Variants in GAN observed in about 807,000 individuals in gnomAD.
GAN encodes gigaxonin.
A neutral mutation model predicts 71.3 loss-of-function variants in GAN; 48 were observed. That is an observed-to-expected ratio of 0.67 (90% confidence interval 0.53 to 0.86). The LOEUF is 0.86. Among genes scored for constraint, GAN ranks in the 40% least tolerant of loss-of-function variants. The probability of loss-of-function intolerance (pLI) is 0.00; values close to 1 mark genes in which losing one functional copy is unlikely to be tolerated. For missense variants in GAN, 928 were observed against 770.1 expected (o/e 1.21, Z -2.43); for synonymous variants, 386 against 276.8 (o/e 1.39, Z -3.92).
At chr16:81,349,900 T>G (rs1475442116) in intron 1 of GAN, among the ~76,000 whole-genome samples, 2 of 152,146 alleles carry the variant, frequency 1.3e-5, no homozygotes, top group African/African-American at 4.8e-5. Context: ...TTTAACAGAG[T>G]TATAATTCAT....
chr16:81,365,187 T>G, intron 8 of GAN, 77 bp downstream of exon 8: 1 of 1,580,356 alleles, frequency 6.3e-7, no homozygotes, highest in Non-Finnish European at 8.7e-7. Flanking sequence ...TGCCTGGCTT[T>G]TGTTCTTTTC....
Position 81,315,143 on chromosome 16 carries a change from T to G in GAN, c.30T>G (p.Pro10=), listed in dbSNP as rs760079445. The G allele has an allele frequency of 6.5e-7, 1 of 1,537,022 alleles. No homozygotes were observed. ...CTGAGGGCAGTGCCGTGTCTGACCC[T>G]CAGCACGCCGCGCGTCTGCTGCGAG... is the stretch of plus-strand genomic sequence containing the variant. MAEGSAVSD[P]QHAARLLRAL... is the part of the protein sequence containing the mutation. Residue 10 remains proline, a synonymous_variant, in exon 1 of 11, where the codon CCT becomes CCG. Transcript: ENST00000648994.
At chr16:81,331,975 C>T (rs1419465422) in intron 1 of GAN, among the ~76,000 whole-genome samples, 1 of 151,770 alleles carries the variant, frequency 6.6e-6, no homozygotes, top group Admixed American at 6.6e-5. Context: ...CCAGCCTGAC[C>T]AATATGGAGA....
At chr16:81,360,008 A>G (rs1207250181) in intron 5 of GAN, among the ~76,000 whole-genome samples, 3 of 146,898 alleles carry the variant, frequency 2.0e-5, no homozygotes, top group Non-Finnish European at 4.5e-5. Context: ...TCTTTTTTTG[A>G]TATATGTTGG....
chr16:81,361,089 G>A (rs1421219118), intron 5 of GAN, among the ~76,000 whole-genome samples: 2 of 152,194 alleles, frequency 1.3e-5, no homozygotes, highest in African/African-American at 2.4e-5. Flanking sequence ...TGGGTATGTG[G>A]TGGCATGTGC....
chr16:81,315,313 G>T, intron 1 of GAN, 33 bp downstream of exon 1: 1 of 1,434,054 alleles, frequency 7.0e-7, no homozygotes, highest in South Asian at 1.4e-5. Context: ...CGGGCGCGGC[G>T]GTGCTGCCCG....
chr16:81,339,073 C>T (rs1284726618), intron 1 of GAN, among the ~76,000 whole-genome samples: 5 of 152,136 alleles, frequency 3.3e-5, no homozygotes, highest in African/African-American at 1.2e-4. Context: ...ACAAAATATT[C>T]ATCTGGGATT....
chr16:81,377,174 C>A, intron 9 of GAN, 45 bp from the exon 10 acceptor site: 2 of 1,122,092 alleles, frequency 1.8e-6, no homozygotes, highest in South Asian at 2.5e-5. Flanking sequence ...ATGTTGTTGT[C>A]ATCCTTTTGA....
chr16:81,339,682 T>C (rs1321802865), intron 1 of GAN, among the ~76,000 whole-genome samples: 1 of 152,156 alleles, frequency 6.6e-6, no homozygotes, highest in African/African-American at 2.4e-5. Flanking sequence ...ATAACAGGAA[T>C]CTATTTTTAC....
intron 1 of GAN, among the ~76,000 whole-genome samples, chr16:81,342,088 C>G (rs1909962461): frequency 6.6e-6 from 1 of 152,158 alleles, no homozygotes; most frequent in Non-Finnish European, 1.5e-5. Context: ...GCTAACTATC[C>G]TAAATACATA....
chr16:81,370,197 A>T (rs1334217682), intron 9 of GAN, among the ~76,000 whole-genome samples: 4 of 152,182 alleles, frequency 2.6e-5, no homozygotes, highest in Non-Finnish European at 5.9e-5. Flanking sequence ...AATCATCATG[A>T]TGTTCCACAA....
chr16:81,343,794 A>G (rs1380260258), intron 1 of GAN, among the ~76,000 whole-genome samples: 1 of 152,236 alleles, frequency 6.6e-6, no homozygotes, highest in African/African-American at 2.4e-5. Context: ...AAAGCAATAA[A>G]GCGTATTGAA....
At chr16:81,353,585 T>G (rs925251514) in intron 2 of GAN, among the ~76,000 whole-genome samples, 3 of 152,198 alleles carry the variant, frequency 2.0e-5, no homozygotes, top group Non-Finnish European at 4.4e-5. Flanking sequence ...GTAAAAATGT[T>G]TCTTGCTATA....
At position 81,390,526 on chromosome 16, in the gene GAN, T is replaced by C. The variant is rs1396837717; in HGVS notation, c.*12930T>C. On this transcript the variant is annotated 3_prime_UTR_variant, in exon 11 of 11. Transcript: ENST00000648994. ...TCCCTTCTCACGAACCCAGGACCTG[T>C]GCTTGGGGAACATTTTGCCATCATG... 6.6e-6 allele frequency: 1 copy of C among 152,232 alleles called. No individual in the cohort carries two copies. The highest frequency in any genetic ancestry group is 6.5e-5 in the Admixed American group (1 of 15,284). 9.4% of individuals were successfully genotyped at this position (152,232 alleles called of 1,614,324 possible).
At chr16:81,353,622 G>A (rs886628831) in intron 2 of GAN, among the ~76,000 whole-genome samples, 1 of 152,154 alleles carries the variant, frequency 6.6e-6, no homozygotes. Context: ...CCTTGCATTT[G>A]CGAATGTGGG....
At chr16:81,369,954 C>A (rs759702264) in intron 9 of GAN, among the ~76,000 whole-genome samples, 2 of 152,180 alleles carry the variant, frequency 1.3e-5, no homozygotes, top group African/African-American at 4.8e-5. Context: ...CTTTCCCAGA[C>A]GTAATATCCT....
intron 2 of GAN, among the ~76,000 whole-genome samples, chr16:81,352,557 C>T (rs746144346): frequency 1.3e-5 from 2 of 152,122 alleles, no homozygotes; most frequent in Non-Finnish European, 1.5e-5. Context: ...TTTATTCTTT[C>T]TTTATCCCTC....
chr16:81,385,066 T>A lies in GAN; in HGVS notation c.*7470T>A, dbSNP rs976658402. The A allele has an allele frequency of 6.5e-6, 1 of 154,194 alleles. No individual in the cohort carries two copies. The highest frequency in any genetic ancestry group is 1.5e-5 in the Non-Finnish European group (1 of 68,204). 9.6% of individuals were successfully genotyped at this position (154,194 alleles called of 1,614,324 possible). On this transcript the variant is annotated 3_prime_UTR_variant, in exon 11 of 11. Transcript: ENST00000648994. The stretch of plus-strand genomic sequence containing the variant: ...TTAAGCACCAGGTAAAATCTGGTGC[T>A]TAAGTTGTACCAAGTATAGCCAAGT...
chr16:81,388,983 C>T lies in GAN; in HGVS notation c.*11387C>T, dbSNP rs1904485794. ...TGACTTATGTTTTATTTTAAAAAAT[C>T]ATGTAGGATCTGGTACATGGGGCGG... On this transcript the variant is annotated 3_prime_UTR_variant, in exon 11 of 11. Coordinates refer to ENST00000648994, the MANE Select transcript of GAN (RefSeq NM_022041.4). The T allele has an allele frequency of 6.6e-6, 1 of 152,102 alleles. No individual in the cohort carries two copies. The highest frequency in any genetic ancestry group is 1.5e-5 in the Non-Finnish European group (1 of 68,022). 9.4% of individuals were successfully genotyped at this position (152,102 alleles called of 1,614,324 possible).
Sources: gnomAD v4.1 joint callset for allele counts (sites outside exome capture counted in the v4.1 genomes callset) on GRCh38, gnomAD v4.1.1 for gene constraint, MANE v1.5 for transcripts, NCBI Gene and HGNC (gene_info 2026-07-23, HGNC 2026-07-21) for gene names.